Variants in STK26 observed in about 807,000 individuals in gnomAD.
The protein encoded by STK26 is serine/threonine-protein kinase 26.
STK26 carries 14 observed loss-of-function variants against 34.7 expected under a neutral mutation model. The observed-to-expected ratio is 0.40, with a 90% CI of 0.27 to 0.63. The LOEUF is 0.63. STK26 is among the 30% of genes least tolerant of loss of function. STK26 has a pLI of 0.38. For synonymous variants in STK26, 100 were observed against 109.8 expected (o/e 0.91, Z 0.56); for missense variants, 226 against 309.1 (o/e 0.73, Z 2.02).
chrX:132,041,653 T>C (rs1368035120), intron 2 of STK26, among the ~76,000 whole-genome samples: 3 of 110,773 alleles, frequency 2.7e-5, no homozygotes, highest in South Asian at 7.7e-4. Context: ...CAGTATAAAA[T>C]TTAAAAAAAA....
intron 2 of STK26, among the ~76,000 whole-genome samples, chrX:132,053,415 G>A (rs976835520): frequency 8.9e-6 from 1 of 112,071 alleles, no homozygotes; most frequent in Non-Finnish European, 1.9e-5. Flanking sequence ...TCAAAAGGTA[G>A]TGGTTTACTG....
intron 6 of STK26, among the ~76,000 whole-genome samples, chrX:132,068,933 C>T (rs1927308665): frequency 9.0e-6 from 1 of 110,598 alleles, no homozygotes; most frequent in Admixed American, 9.6e-5. Flanking sequence ...ACACCCTGGC[C>T]TCAGGACCTT....
Position 132,074,315 on chromosome X carries a change from G to T in STK26, c.*156G>T. On this transcript the variant is annotated 3_prime_UTR_variant, in exon 12 of 12. Transcript: ENST00000394334. ...AGCTATTAAACTATTTTGTGATGGC[G>T]TTTATCATTTTATATTTTGAAAGGA... 2.2e-6 allele frequency: 1 copy of T among 453,737 alleles called. No individual in the cohort carries two copies. Among genetic ancestry groups the T allele is most frequent in the Non-Finnish European group, 3.6e-6 (1 of 276,951 alleles). 37.4% of individuals were successfully genotyped at this position (453,737 alleles called of 1,213,427 possible).
chrX:132,050,164 C>T (rs1926635049), intron 2 of STK26, among the ~76,000 whole-genome samples: 2 of 111,171 alleles, frequency 1.8e-5, no homozygotes, highest in South Asian at 7.6e-4. Context: ...TCTTGTTTCT[C>T]CTGGCCACCA....
intron 4 of STK26, among the ~76,000 whole-genome samples, chrX:132,066,952 C>T (rs1927245498): frequency 9.0e-6 from 1 of 111,569 alleles, no homozygotes; most frequent in African/African-American, 3.3e-5. Context: ...AGTTCATTGC[C>T]AGCCATCAAC....
intron 9 of STK26, 99 bp from the exon 10 acceptor site, chrX:132,072,714 T>G (rs1410291338): frequency 1.0e-5 from 9 of 884,778 alleles, no homozygotes; most frequent in Non-Finnish European, 1.3e-5. Flanking sequence ...TCTTTTGTTT[T>G]CAGTAGGGGA....
intron 4 of STK26, among the ~76,000 whole-genome samples, chrX:132,065,936 C>G (rs1192868364): frequency 4.5e-5 from 5 of 111,471 alleles, no homozygotes; most frequent in African/African-American, 6.5e-5. Flanking sequence ...TATTCCTGTA[C>G]AAATAAATGC....
chrX:132,038,350 G>C (rs1926136741), intron 2 of STK26, among the ~76,000 whole-genome samples: 1 of 111,705 alleles, frequency 9.0e-6, no homozygotes, highest in Non-Finnish European at 1.9e-5. Flanking sequence ...TGTGAGTTTT[G>C]TGATAAAAGT....
chrX:132,068,089 G>A (rs1377111903), intron 4 of STK26, 126 bp from the exon 5 acceptor site: 5 of 452,181 alleles, frequency 1.1e-5, no homozygotes, highest in Non-Finnish European at 1.1e-5. Context: ...TTTAGATATT[G>A]GTTTGATAAA....
intron 2 of STK26, among the ~76,000 whole-genome samples, chrX:132,031,053 C>T (rs772562911): frequency 5.4e-5 from 6 of 110,937 alleles, no homozygotes; most frequent in Non-Finnish European, 9.4e-5. Context: ...CCTCCCACCT[C>T]ATCCTCCTGA....
At chrX:132,031,219 G>A (rs761209139) in intron 2 of STK26, among the ~76,000 whole-genome samples, 10 of 112,093 alleles carry the variant, frequency 8.9e-5, no homozygotes, top group South Asian at 3.7e-4. Flanking sequence ...TTACAGGCAT[G>A]AGCCATTGTG....
chrX:132,049,734 CATT>C (rs1245126536), intron 2 of STK26, among the ~76,000 whole-genome samples: 1 of 111,910 alleles, frequency 8.9e-6, no homozygotes, highest in African/African-American at 3.3e-5. Context: ...ATTATTTGCT[CATT>C]ATTTCCTGTA....
rs987897779 is a variant in STK26 at position 132,034,686 on chromosome X, ATTGT to A, written c.42+11034_42+11037del. On this transcript the variant is annotated intron_variant, in intron 2 of 11. Transcript: ENST00000394334. The stretch of plus-strand genomic sequence containing the variant: ...CAATATAGTGAAATGATGAAATAAC[ATTGT>A]TTGTTTTGGAAGATTGCATTAGGCT... Among the ~76,000 whole-genome samples the A allele has an allele frequency of 5.4e-5, 6 of 111,423 alleles. No individual in the cohort carries two copies. In the East Asian group the frequency reaches 1.4e-3, roughly 26 times the overall value.
At chrX:132,040,961 A>G (rs1926243295) in intron 2 of STK26, among the ~76,000 whole-genome samples, 1 of 111,897 alleles carries the variant, frequency 8.9e-6, no homozygotes, top group African/African-American at 3.3e-5. Context: ...ACCATCAGGC[A>G]TTATTTGTAA....
chrX:132,063,532 A>C, intron 4 of STK26, 43 bp downstream of exon 4: 1 of 1,116,191 alleles, frequency 9.0e-7, no homozygotes, highest in South Asian at 2.0e-5. Flanking sequence ...AAATGTGTGC[A>C]TATGCACATA....
rs1036762816 is a variant in STK26 at position 132,073,703 on chromosome X, C to G, written c.1227-432C>G. The stretch of plus-strand genomic sequence containing the variant: ...ACACATATACACTCCTTAGCTCAAG[C>G]AAGCTATAAGGTGATACTGATTTTA... On this transcript the variant is annotated intron_variant, in intron 11 of 11. Coordinates refer to ENST00000394334, the MANE Select transcript of STK26 (RefSeq NM_016542.4). Among the ~76,000 whole-genome samples, 4 of 112,096 alleles carry G rather than the reference C, an allele frequency of 3.6e-5. No homozygotes were observed. In the Admixed American group the frequency reaches 3.8e-4, roughly 11 times the overall value.
At chrX:132,060,190 T>C (rs768733492) in intron 3 of STK26, among the ~76,000 whole-genome samples, 1 of 112,193 alleles carries the variant, frequency 8.9e-6, no homozygotes, top group Non-Finnish European at 1.9e-5. Context: ...TCTGGTTTCA[T>C]CCTCTCTGCT....
intron 11 of STK26, among the ~76,000 whole-genome samples, chrX:132,073,835 ACT>A (rs907118088): frequency 3.6e-5 from 4 of 110,906 alleles, no homozygotes; most frequent in African/African-American, 1.3e-4. Context: ...GAAATCACAC[ACT>A]CTCAAAGATC....
intron 3 of STK26, among the ~76,000 whole-genome samples, chrX:132,062,589 C>T (rs187858743): frequency 8.9e-6 from 1 of 111,828 alleles, no homozygotes; most frequent in African/African-American, 3.2e-5. Context: ...TTAACCGTAG[C>T]TGATAAAAGT....
Sources: allele counts gnomAD v4.1 joint callset (sites outside exome capture counted in the v4.1 genomes callset), GRCh38; gene constraint gnomAD v4.1.1; transcripts MANE v1.5; gene names NCBI Gene and HGNC (gene_info 2026-07-23, HGNC 2026-07-21).